The following FHIT variants were observed in gnomAD, a reference collection of about 807,000 sequenced individuals.
The protein encoded by FHIT is fragile histidine triad diadenosine triphosphatase.
FHIT carries 19 observed loss-of-function variants against 17.9 expected under a neutral mutation model. The ratio of observed to expected loss-of-function variants is 1.06; its 90% confidence interval spans 0.74 to 1.56. FHIT has a LOEUF of 1.56. Ranked by LOEUF, FHIT falls within the 40% of genes most tolerant of loss-of-function variation. FHIT has a pLI of 0.00. For missense variants in FHIT, 248 were observed against 189.2 expected (o/e 1.31, Z -1.82); for synonymous variants, 81 against 69.7 (o/e 1.16, Z -0.81).
intron 5 of FHIT, among the ~76,000 whole-genome samples, chr3:60,464,150 C>G (rs2032647289): frequency 6.6e-6 from 1 of 152,134 alleles, no homozygotes; most frequent in African/African-American, 2.4e-5. Flanking sequence ...GATCTTGTCT[C>G]TTGCTCAAAA....
intron 3 of FHIT, among the ~76,000 whole-genome samples, chr3:60,882,941 G>A: frequency 6.6e-6 from 1 of 152,100 alleles, no homozygotes; most frequent in Non-Finnish European, 1.5e-5. Context: ...GTTTACAGAT[G>A]ACATAATCTT....
chr3:60,595,028 C>G (rs966212851), intron 4 of FHIT, among the ~76,000 whole-genome samples: 12 of 152,052 alleles, frequency 7.9e-5, no homozygotes, highest in Admixed American at 2.0e-4. Context: ...GCCACTGGGA[C>G]AGCACAGAAA....
At chr3:60,626,177 T>G (rs1218437636) in intron 4 of FHIT, among the ~76,000 whole-genome samples, 1 of 152,212 alleles carries the variant, frequency 6.6e-6, no homozygotes, top group Non-Finnish European at 1.5e-5. Context: ...TTCGCACTTT[T>G]TTTCAAGACT....
chr3:60,563,455 A>C (rs1261567599), intron 4 of FHIT, among the ~76,000 whole-genome samples: 1 of 152,220 alleles, frequency 6.6e-6, no homozygotes, highest in Non-Finnish European at 1.5e-5. Flanking sequence ...TCTCACTTTA[A>C]ATCAAAAAGT....
chr3:60,032,413 C>T (rs1237627354), intron 5 of FHIT, among the ~76,000 whole-genome samples: 1 of 151,836 alleles, frequency 6.6e-6, no homozygotes, highest in East Asian at 1.9e-4. Flanking sequence ...GATCATACTA[C>T]TGCACTCCAG....
At chr3:60,530,067 C>G (rs1178269668) in intron 5 of FHIT, among the ~76,000 whole-genome samples, 1 of 152,216 alleles carries the variant, frequency 6.6e-6, no homozygotes, top group South Asian at 2.1e-4. Context: ...TCAGGTCAGG[C>G]CAGCCCACCC....
intron 4 of FHIT, among the ~76,000 whole-genome samples, chr3:60,650,807 A>G (rs2039972721): frequency 6.6e-6 from 1 of 152,176 alleles, no homozygotes; most frequent in Admixed American, 6.5e-5. Flanking sequence ...TTTTTCTTCT[A>G]TCAAAACCAA....
chr3:59,897,064 G>C (rs2107051092), intron 8 of FHIT, among the ~76,000 whole-genome samples: 1 of 152,070 alleles, frequency 6.6e-6, no homozygotes, highest in East Asian at 1.9e-4. Context: ...TCCAACTGCA[G>C]TTCTTATCAC....
At chr3:60,656,110 C>G (rs1553689493) in intron 4 of FHIT, among the ~76,000 whole-genome samples, 1 of 152,156 alleles carries the variant, frequency 6.6e-6, no homozygotes, top group African/African-American at 2.4e-5. Flanking sequence ...GCCATGTAAG[C>G]CTTTGCACTG....
At chr3:61,040,679 G>A (rs7630972) in intron 3 of FHIT, among the ~76,000 whole-genome samples, 3,002 of 152,314 alleles carry the variant, frequency 0.02, 94 homozygotes, top group Admixed American at 0.075. Flanking sequence ...GGAGATGTGT[G>A]TGGTATCTGT....
intron 4 of FHIT, among the ~76,000 whole-genome samples, chr3:60,644,265 G>T (rs2039798706): frequency 6.6e-6 from 1 of 152,036 alleles, no homozygotes; most frequent in African/African-American, 2.4e-5. Context: ...TTTCTTCATA[G>T]GTGTTTGCCC....
intron 7 of FHIT, among the ~76,000 whole-genome samples, chr3:59,980,090 C>A (rs767266404): frequency 7.9e-5 from 12 of 152,180 alleles, no homozygotes; most frequent in Non-Finnish European, 1.6e-4. Context: ...TAAAACACCA[C>A]TTAAGCTTAC....
intron 1 of FHIT, among the ~76,000 whole-genome samples, chr3:61,249,215 A>G (rs2040555152): frequency 6.6e-6 from 1 of 152,222 alleles, no homozygotes; most frequent in African/African-American, 2.4e-5. Context: ...GGACTTGAAA[A>G]TAAGATGCTT....
At chr3:60,705,162 T>G (rs2107919423) in intron 4 of FHIT, among the ~76,000 whole-genome samples, 1 of 152,324 alleles carries the variant, frequency 6.6e-6, no homozygotes, top group South Asian at 2.1e-4. Flanking sequence ...TTTATATTTT[T>G]ACACTGCATT....
chr3:60,842,511 AT>A (rs1237818268), intron 3 of FHIT, among the ~76,000 whole-genome samples: 2 of 150,986 alleles, frequency 1.3e-5, no homozygotes, highest in South Asian at 4.2e-4. Context: ...TATATGTGAT[AT>A]TTTTTATATT....
intron 3 of FHIT, among the ~76,000 whole-genome samples, chr3:60,957,164 A>T (rs1307501011): frequency 1.3e-5 from 2 of 152,128 alleles, no homozygotes; most frequent in African/African-American, 4.8e-5. Flanking sequence ...GCATTAAAAA[A>T]CAAAGAAATC....
At chr3:60,549,505 T>C (rs2036475705) in intron 4 of FHIT, among the ~76,000 whole-genome samples, 1 of 152,180 alleles carries the variant, frequency 6.6e-6, no homozygotes, top group Non-Finnish European at 1.5e-5. Flanking sequence ...TCAAAGTATA[T>C]TGAACTATTA....
intron 2 of FHIT, among the ~76,000 whole-genome samples, chr3:61,084,535 G>A (rs1025389978): frequency 2.0e-5 from 3 of 152,044 alleles, no homozygotes; most frequent in Non-Finnish European, 4.4e-5. Context: ...TCATATATTA[G>A]GTCATCTTTA....
intron 2 of FHIT, among the ~76,000 whole-genome samples, chr3:61,093,792 GT>G (rs1559975952): frequency 6.6e-6 from 1 of 152,188 alleles, no homozygotes; most frequent in African/African-American, 2.4e-5. Context: ...TGCCCACTGC[GT>G]ATAACCAGTA....
Sources: gnomAD v4.1 joint callset for allele counts (sites outside exome capture counted in the v4.1 genomes callset) on GRCh38, gnomAD v4.1.1 for gene constraint, MANE v1.5 for transcripts, NCBI Gene and HGNC (gene_info 2026-07-23, HGNC 2026-07-21) for gene names.